STK32B: variants seen among roughly 807,000 people sequenced by gnomAD.
STK32B encodes the protein serine/threonine kinase 32B, also known as serine/threonine-protein kinase 32B.
STK32B carries 43 observed loss-of-function variants against 52.6 expected under a neutral mutation model. The ratio of observed to expected loss-of-function variants is 0.82; its 90% CI spans 0.64 to 1.05. The LOEUF (loss-of-function observed/expected upper bound fraction) is 1.05, where lower values mean the gene tolerates loss of function less well. STK32B is among the 50% of genes least tolerant of loss of function. The pLI, the probability that STK32B is intolerant of heterozygous loss-of-function variation, is 0.00. For missense variants in STK32B, 621 were observed against 534.6 expected (o/e 1.16, Z -1.59); for synonymous variants, 238 against 204.3 (o/e 1.17, Z -1.41).
chr4:5,450,869 G>A (rs1371018771), intron 7 of STK32B, among the ~76,000 whole-genome samples: 6 of 152,084 alleles, frequency 3.9e-5, no homozygotes, highest in Admixed American at 3.9e-4. Context: ...AGCACTAGAG[G>A]CAGGCACTGA....
intron 3 of STK32B, among the ~76,000 whole-genome samples, chr4:5,327,930 G>C (rs1731985823): frequency 6.6e-6 from 1 of 152,210 alleles, no homozygotes; most frequent in African/African-American, 2.4e-5. Context: ...ACCTTCACCA[G>C]TGATCTGAGC....
At chr4:5,161,042 G>A (rs1293402829) in intron 2 of STK32B, among the ~76,000 whole-genome samples, 1 of 152,188 alleles carries the variant, frequency 6.6e-6, no homozygotes, top group East Asian at 1.9e-4. Flanking sequence ...GGGATCCACA[G>A]TGAAGGACTT....
intron 6 of STK32B, among the ~76,000 whole-genome samples, chr4:5,430,967 A>AGG (rs1713526855): frequency 6.6e-6 from 1 of 152,162 alleles, no homozygotes; most frequent in African/African-American, 2.4e-5. Flanking sequence ...GATGTGGCAG[A>AGG]GGGTGGGGAG....
intron 6 of STK32B, among the ~76,000 whole-genome samples, chr4:5,422,408 G>C (rs1712720571): frequency 6.6e-6 from 1 of 152,164 alleles, no homozygotes; most frequent in South Asian, 2.1e-4. Flanking sequence ...TCAGAAAATG[G>C]GCTGATGAGT....
chr4:5,031,519 A>C, the STK32B span, among the ~76,000 whole-genome samples: 1 of 151,302 alleles, frequency 6.6e-6, no homozygotes, highest in African/African-American at 2.4e-5. Flanking sequence ...GGATCACCTG[A>C]CTCCAAGAGG....
In STK32B at chr4:5,289,685, A is replaced by ATT. The variant is rs56211807; in HGVS notation, c.261-41506_261-41505dup. On this transcript the variant is annotated intron_variant, in intron 3 of 11. Coordinates refer to ENST00000282908, the MANE Select transcript of STK32B (RefSeq NM_018401.3). Reference sequence around the variant, plus strand: ...AGGCACCCACCACCATGCCCGGCTAATTTTTTTTTTTTTTTTTTTTTTTTT... The same window carrying ATT: ...AGGCACCCACCACCATGCCCGGCTAATTTTTTTTTTTTTTTTTTTTTTTTTTT... Among the ~76,000 whole-genome samples the ATT allele has an allele frequency of 8.0e-3, 691 of 86,758 alleles. 19 individuals carry two copies. The highest frequency in any genetic ancestry group is 0.013 in the Non-Finnish European group (534 of 41,828). The allele number at this position is 86,758 out of a possible 152,430, so 56.9% of individuals were successfully genotyped here. A position where few individuals can be genotyped will look rare whatever the true frequency, so the allele number is the denominator to read the frequency against.
the STK32B span, among the ~76,000 whole-genome samples, chr4:5,022,922 C>T: frequency 6.6e-6 from 1 of 152,096 alleles, no homozygotes; most frequent in South Asian, 2.1e-4. Flanking sequence ...GCCCCTAACC[C>T]ATCACTGGCA....
intron 3 of STK32B, among the ~76,000 whole-genome samples, chr4:5,316,706 T>TATG (rs368539759): frequency 0.95 from 8,184 of 8,600 alleles, 3,928 homozygotes; most frequent in Middle Eastern, 1. Flanking sequence ...CATATTATAA[T>TATG]ATATAATATA....
chr4:5,155,091 CT>C (rs140541373), intron 2 of STK32B, among the ~76,000 whole-genome samples: 2,248 of 152,234 alleles, frequency 0.015, 40 homozygotes, highest in African/African-American at 0.051. Flanking sequence ...TTATTTCTAC[CT>C]CAGAACCTTC....
intron 3 of STK32B, among the ~76,000 whole-genome samples, chr4:5,276,063 C>T (rs188936590): frequency 5.2e-4 from 79 of 152,138 alleles, no homozygotes; most frequent in African/African-American, 1.7e-3. Flanking sequence ...CCGAGGCAGG[C>T]GGATCACCTG....
At chr4:5,232,588 C>T (rs969095682) in intron 3 of STK32B, among the ~76,000 whole-genome samples, 18 of 152,228 alleles carry the variant, frequency 1.2e-4, no homozygotes, top group African/African-American at 4.1e-4. Context: ...ATGGGATGTA[C>T]TGCACCTGTT....
intron 3 of STK32B, among the ~76,000 whole-genome samples, chr4:5,300,010 C>A (rs1729452543): frequency 6.7e-6 from 1 of 148,686 alleles, no homozygotes; most frequent in Admixed American, 6.6e-5. Flanking sequence ...AGGCCGAGAT[C>A]TCTGATAGAC....
intron 3 of STK32B, among the ~76,000 whole-genome samples, chr4:5,312,379 T>G (rs1730354702): frequency 6.6e-6 from 1 of 151,958 alleles, no homozygotes; most frequent in Admixed American, 6.6e-5. Context: ...GCTGGTGTGC[T>G]GCACCCATTA....
At chr4:5,290,564 T>C (rs1728835202) in intron 3 of STK32B, among the ~76,000 whole-genome samples, 1 of 152,204 alleles carries the variant, frequency 6.6e-6, no homozygotes, top group Non-Finnish European at 1.5e-5. Context: ...CATTGTTGAC[T>C]GAAACATTAC....
At chr4:5,291,089 C>G (rs987066300) in intron 3 of STK32B, among the ~76,000 whole-genome samples, 2 of 152,050 alleles carry the variant, frequency 1.3e-5, no homozygotes, top group African/African-American at 4.8e-5. Flanking sequence ...GTCTTCGTTA[C>G]TATAACATTG....
chr4:5,204,616 G>C (rs1577190530), intron 3 of STK32B, among the ~76,000 whole-genome samples: 1 of 151,816 alleles, frequency 6.6e-6, no homozygotes, highest in Non-Finnish European at 1.5e-5. Flanking sequence ...ACTACAGGTG[G>C]CTGCCACCAC....
At chr4:5,357,020 TATACACAC>T (rs1215487351) in intron 4 of STK32B, among the ~76,000 whole-genome samples, 2 of 150,222 alleles carry the variant, frequency 1.3e-5, no homozygotes, top group African/African-American at 5.0e-5. Context: ...TATATATATA[TATACACAC>T]ACACACACAC....
At chr4:5,324,060 G>A (rs951699416) in intron 3 of STK32B, among the ~76,000 whole-genome samples, 4 of 152,152 alleles carry the variant, frequency 2.6e-5, no homozygotes, top group African/African-American at 4.8e-5. Context: ...GCGCATATAC[G>A]TAAAGCACTT....
intron 3 of STK32B, among the ~76,000 whole-genome samples, chr4:5,262,249 G>T (rs1012455797): frequency 2.0e-5 from 3 of 152,102 alleles, no homozygotes; most frequent in African/African-American, 7.2e-5. Flanking sequence ...CATAATTTTA[G>T]AATGTAGCAT....
Sources: allele counts gnomAD v4.1 joint callset (sites outside exome capture counted in the v4.1 genomes callset), GRCh38; gene constraint gnomAD v4.1.1; transcripts MANE v1.5; gene names NCBI Gene and HGNC (gene_info 2026-07-23, HGNC 2026-07-21).